ABCG2: variants seen among roughly 807,000 people sequenced by gnomAD.
ABCG2 encodes ATP binding cassette subfamily G member 2 (JR blood group).
ABCG2 carries 80 observed loss-of-function variants against 73.5 expected under a neutral mutation model. The observed-to-expected ratio is 1.09, with a 90% CI of 0.91 to 1.31. The LOEUF (loss-of-function observed/expected upper bound fraction) is 1.31, where lower values mean the gene tolerates loss of function less well. ABCG2 is among the 50% of genes most tolerant of loss of function. The pLI, the probability that ABCG2 is intolerant of heterozygous loss-of-function variation, is 0.00. For synonymous variants in ABCG2, 269 were observed against 282.4 expected, an observed-to-expected ratio of 0.95 and a Z score of 0.48; for missense variants, 796 against 786.2, an observed-to-expected ratio of 1.01 and a Z score of -0.15.
intron 1 of ABCG2, among the ~76,000 whole-genome samples, chr4:88,223,377 C>T (rs1730081657): frequency 6.6e-6 from 1 of 152,078 alleles, no homozygotes; most frequent in African/African-American, 2.4e-5. Context: ...AGGAGGGACC[C>T]AGTGGGAGGT....
chr4:88,204,048 T>C (rs1342893866), intron 1 of ABCG2, among the ~76,000 whole-genome samples: 1 of 152,180 alleles, frequency 6.6e-6, no homozygotes, highest in Non-Finnish European at 1.5e-5. Context: ...TCTTTCCTCT[T>C]CCATTTCTCT....
intron 1 of ABCG2, among the ~76,000 whole-genome samples, chr4:88,217,266 G>T (rs1423482739): frequency 6.6e-6 from 1 of 152,124 alleles, no homozygotes; most frequent in African/African-American, 2.4e-5. Context: ...CCTGCCTAAG[G>T]CTTAATTATA....
chr4:88,157,080 C>A (rs1038709486), intron 1 of ABCG2, among the ~76,000 whole-genome samples: 19 of 152,142 alleles, frequency 1.2e-4, no homozygotes, highest in Non-Finnish European at 1.5e-5. Context: ...CCAGTCTGGG[C>A]AATAAAGCAA....
rs1723418627 is a variant in ABCG2 at position 88,114,892 on chromosome 4, C to T, written c.943+65G>A. 9.4e-6 allele frequency: 10 copies of T among 1,065,538 alleles called. No homozygotes were observed. In the South Asian group the frequency reaches 1.3e-4, roughly 14 times the overall value. 66.0% of individuals were successfully genotyped at this position (1,065,538 alleles called of 1,614,324 possible). A position where few individuals can be genotyped will look rare whatever the true frequency, so the allele number is the denominator to read the frequency against. On this transcript the variant is annotated intron_variant, in intron 8 of 15. Coordinates refer to ENST00000237612, the MANE Select transcript of ABCG2 (RefSeq NM_004827.3). The stretch of plus-strand genomic sequence containing the variant: ...CACAAAGCCACATTTTAATTAGCCA[C>T]CACATTGCTAAACTTCAGCCAATTC...
At chr4:88,196,014 C>T (rs1315358507) in intron 1 of ABCG2, among the ~76,000 whole-genome samples, 1 of 152,188 alleles carries the variant, frequency 6.6e-6, no homozygotes, top group Non-Finnish European at 1.5e-5. Flanking sequence ...TCAGGTGTTT[C>T]TATCTATTGG....
At chr4:88,186,575 A>G (rs994648218) in intron 1 of ABCG2, among the ~76,000 whole-genome samples, 1 of 152,112 alleles carries the variant, frequency 6.6e-6, no homozygotes, top group African/African-American at 2.4e-5. Flanking sequence ...CAGGAGTTTG[A>G]GACAAGCCTG....
At chr4:88,197,792 G>A (rs1309211140) in intron 1 of ABCG2, among the ~76,000 whole-genome samples, 1 of 151,764 alleles carries the variant, frequency 6.6e-6, no homozygotes, top group Non-Finnish European at 1.5e-5. Context: ...GATACAGTAA[G>A]ACCCTGTCTC....
intron 1 of ABCG2, among the ~76,000 whole-genome samples, chr4:88,208,931 G>T (rs1417269520): frequency 6.6e-6 from 1 of 152,074 alleles, no homozygotes; most frequent in East Asian, 1.9e-4. Flanking sequence ...TAACCTGGGA[G>T]GCGGAGGTTA....
chr4:88,092,223 T>G lies in ABCG2; in HGVS notation c.*11A>C, dbSNP rs965714244. On this transcript the variant is annotated 3_prime_UTR_variant, in exon 16 of 16. Transcript: ENST00000237612. ...TATGTGAGGATAAATCATACTGAATTAAGGGGAAATTTAAGAATATTTTTT... is the reference window on the plus strand; with the variant it reads ...TATGTGAGGATAAATCATACTGAATGAAGGGGAAATTTAAGAATATTTTTT... 5 of 1,595,950 alleles carry G rather than the reference T, an allele frequency of 3.1e-6. No homozygotes were observed. The highest frequency in any genetic ancestry group is 4.3e-6 in the Non-Finnish European group (5 of 1,167,940).
rs115135879 is a variant in ABCG2 at position 88,153,684 on chromosome 4, T to C, written c.-20+4702A>G. Among the ~76,000 whole-genome samples the C allele has an allele frequency of 2.0e-5, 3 of 151,988 alleles. No individual in the cohort carries two copies. In the South Asian group the frequency reaches 6.2e-4, roughly 32 times the overall value. On this transcript the variant is annotated intron_variant, in intron 1 of 15. Coordinates refer to ENST00000237612, the MANE Select transcript of ABCG2 (RefSeq NM_004827.3). ...GAATTATGTCTGACAGAAGGGAAGA[T>C]ATGACCGTCGTGGCCTTCTCAGACC...
intron 1 of ABCG2, among the ~76,000 whole-genome samples, chr4:88,204,760 T>C (rs1729315915): frequency 6.6e-6 from 1 of 152,218 alleles, no homozygotes; most frequent in Admixed American, 6.5e-5. Flanking sequence ...ATAAGAAGAC[T>C]GGTTGCTTTT....
chr4:88,130,879 A>AT (rs959722357), intron 5 of ABCG2, among the ~76,000 whole-genome samples, 182 bp downstream of exon 5: 1 of 152,010 alleles, frequency 6.6e-6, no homozygotes, highest in Non-Finnish European at 1.5e-5. Context: ...CAATGTGAAG[A>AT]TTTTTTTTCC....
chr4:88,223,505 A>G (rs1560466846), intron 1 of ABCG2, among the ~76,000 whole-genome samples: 1 of 152,138 alleles, frequency 6.6e-6, no homozygotes, highest in East Asian at 1.9e-4. Flanking sequence ...TGCTGCTGCC[A>G]TGTGAAGAAG....
At chr4:88,106,541 A>T (rs1722780378) in intron 10 of ABCG2, among the ~76,000 whole-genome samples, 1 of 152,232 alleles carries the variant, frequency 6.6e-6, no homozygotes, top group African/African-American at 2.4e-5. Context: ...GATTCCACTT[A>T]TATGAGGGTC....
At chr4:88,191,161 C>T (rs1003422578) in intron 1 of ABCG2, among the ~76,000 whole-genome samples, 6 of 145,856 alleles carry the variant, frequency 4.1e-5, no homozygotes, top group African/African-American at 7.5e-5. Context: ...AGGAGAATGG[C>T]GTGAACCCAG....
At position 88,092,527 on chromosome 4, in the gene ABCG2, T is replaced by A. The variant is rs1721706521; in HGVS notation, c.1821-146A>T. ...CAGATATCATAGCTAACAGTCATTGTGTGTTTACAATTTTGCTAGACACTA... is the reference window on the plus strand; with the variant it reads ...CAGATATCATAGCTAACAGTCATTGAGTGTTTACAATTTTGCTAGACACTA... On this transcript the variant is annotated intron_variant, in intron 15 of 15. Coordinates refer to ENST00000237612, the MANE Select transcript of ABCG2 (RefSeq NM_004827.3). The A allele has an allele frequency of 8.3e-6, 7 of 839,158 alleles. No individual in the cohort carries two copies. The East Asian group carries it at 1.9e-4, about 22-fold the overall frequency. The allele number at this position is 839,158 out of a possible 1,614,324, so 52.0% of individuals were successfully genotyped here.
rs116289334 is a variant in ABCG2, at chr4:88,120,884, C to A, written c.689+751G>T. Among the ~76,000 whole-genome samples, 636 of 152,090 alleles carry A rather than the reference C, an allele frequency of 4.2e-3. 6 individuals are homozygous for A. The highest frequency in any genetic ancestry group is 0.014 in the African/African-American group (596 of 41,474). ...AGATTTGGGAGGGAGGGGCCAGGGG[C>A]AGAATGATATGTGTCCCCACCCAAA... is the stretch of plus-strand genomic sequence containing the variant. On this transcript the variant is annotated intron_variant, in intron 6 of 15. Coordinates refer to ENST00000237612, the MANE Select transcript of ABCG2 (RefSeq NM_004827.3).
intron 1 of ABCG2, among the ~76,000 whole-genome samples, chr4:88,147,016 G>GGAAAGAAAGAAATAAAGAAAGAAAGAAA (rs1726076096): frequency 8.0e-6 from 1 of 125,162 alleles, no homozygotes; most frequent in Non-Finnish European, 1.6e-5. Flanking sequence ...AGAAAGAAAA[G>GGAAAGAAAGAAATAAAGAAAGAAAGAAA]GAAAGAAAGA....
intron 1 of ABCG2, among the ~76,000 whole-genome samples, chr4:88,142,000 A>G (rs752990014): frequency 2.3e-4 from 35 of 152,194 alleles, no homozygotes; most frequent in Non-Finnish European, 4.9e-4. Flanking sequence ...ACAAATTAGG[A>G]AAGAGAATTT....
Sources: gnomAD v4.1 joint callset for allele counts (sites outside exome capture counted in the v4.1 genomes callset) on GRCh38, gnomAD v4.1.1 for gene constraint, MANE v1.5 for transcripts, NCBI Gene and HGNC (gene_info 2026-07-23, HGNC 2026-07-21) for gene names.